FAM241B: variants seen among roughly 807,000 people sequenced by gnomAD.
FAM241B encodes protein FAM241B.
A neutral mutation model predicts 9.3 loss-of-function variants in FAM241B; 7 were observed. That is an observed-to-expected ratio of 0.75 (90% CI 0.43 to 1.41). The LOEUF is 1.41. FAM241B is among the 40% of genes most tolerant of loss of function. The pLI is 0.01. For synonymous variants in FAM241B, 60 were observed against 64.1 expected, an observed-to-expected ratio of 0.94 and a Z score of 0.31; for missense variants, 136 against 159.6, an observed-to-expected ratio of 0.85 and a Z score of 0.80.
At chr10:69,631,963 C>CTGGGTAAGAAT in intron 3 of FAM241B, 124 bp downstream of exon 3, 3 of 1,352,450 alleles carry the variant, frequency 2.2e-6, no homozygotes, top group Non-Finnish European at 2.0e-6. Flanking sequence ...TTGCAGAGAG[C>CTGGGTAAGAAT]TGGGGAAGAT....
chr10:69,633,161 T>C lies in FAM241B; in HGVS notation c.*102T>C. The stretch of plus-strand genomic sequence containing the variant: ...GGGATCTGGTGGTGCCTTGAAGGTA[T>C]GATCAGAGAGGGGACCACAGGTGTG... On this transcript the variant is annotated 3_prime_UTR_variant, in exon 4 of 4. Transcript: ENST00000373279. 1 of 1,494,498 alleles carries C rather than the reference T, an allele frequency of 6.7e-7. No individual in the cohort carries two copies. 92.6% of individuals were successfully genotyped at this position (1,494,498 alleles called of 1,614,324 possible).
At position 69,633,549 on chromosome 10, in the gene FAM241B, G is replaced by A. The variant is rs553970322; in HGVS notation, c.*490G>A. Reference sequence around the variant, plus strand: ...TTTATTGTTTAGGACAAGTGGTAGTGGCATTCTATTTATTGTGACCTTTTC... The same window carrying A: ...TTTATTGTTTAGGACAAGTGGTAGTAGCATTCTATTTATTGTGACCTTTTC... On this transcript the variant is annotated 3_prime_UTR_variant, in exon 4 of 4. Coordinates refer to ENST00000373279, the MANE Select transcript of FAM241B (RefSeq NM_145306.3). The A allele has an allele frequency of 6.2e-6, 1 of 160,578 alleles. No homozygotes were observed. Among genetic ancestry groups the A allele is most frequent in the African/African-American group, 2.4e-5 (1 of 41,598 alleles). 9.9% of individuals were successfully genotyped at this position (160,578 alleles called of 1,614,324 possible).
chr10:69,632,792 C>T lies in FAM241B; in HGVS notation c.99C>T (p.Ser33=), dbSNP rs1839852140. Residue 33 remains serine (S), a splice_region_variant and synonymous_variant, in exon 4 of 4, where the codon AGC becomes AGT. Transcript: ENST00000373279. Reference sequence around the variant, plus strand: ...CTCTCTCTGTCTTCACATTCCAGAGCTTCTTCAACAGGGGCCATGGTGCTC... The same window carrying T: ...CTCTCTCTGTCTTCACATTCCAGAGTTTCTTCAACAGGGGCCATGGTGCTC... The part of the protein sequence containing the change: ...QPPRGSIPRQ[S]FFNRGHGAPP... 6.2e-7 allele frequency: 1 copy of T among 1,612,582 alleles called. No homozygotes were observed. The highest frequency in any genetic ancestry group is 8.5e-7 in the Non-Finnish European group (1 of 1,179,514).
rs540315050 is a variant in FAM241B, at chr10:69,631,434, G to T, written c.-103-46G>T. On this transcript the variant is annotated intron_variant, in intron 1 of 3. Coordinates refer to ENST00000373279, the MANE Select transcript of FAM241B (RefSeq NM_145306.3). Reference sequence around the variant, plus strand: ...TGGACTCAATGTCTGAAATCTTTTTGCCTGGCAAACAACTTGCCTTTATTT... The same window carrying T: ...TGGACTCAATGTCTGAAATCTTTTTTCCTGGCAAACAACTTGCCTTTATTT... 7.7e-5 allele frequency: 107 copies of T among 1,397,184 alleles called. No individual in the cohort carries two copies. The East Asian group carries it at 3.3e-3, about 43-fold the overall frequency. 86.5% of individuals were successfully genotyped at this position (1,397,184 alleles called of 1,614,324 possible).
intron 1 of FAM241B, chr10:69,630,740 GTC>G: frequency 8.7e-7 from 1 of 1,154,548 alleles, no homozygotes; most frequent in Non-Finnish European, 1.1e-6. Context: ...GGGCCCCGCA[GTC>G]CAGGGGTCCG....
In FAM241B at chr10:69,631,736, C is replaced by T; in HGVS notation, c.-8C>T. 1 of 1,612,226 alleles carries T rather than the reference C, an allele frequency of 6.2e-7. No individual in the cohort carries two copies. Among genetic ancestry groups the T allele is most frequent in the Non-Finnish European group, 8.5e-7 (1 of 1,179,488 alleles). On this transcript the variant is annotated 5_prime_UTR_variant, in exon 3 of 4. Coordinates refer to ENST00000373279, the MANE Select transcript of FAM241B (RefSeq NM_145306.3). ...GCAGCCCATCAGGGACCCACAGCGCCTGGGAGGATGGTGCGGATCTTGGCC... is the reference window on the plus strand; with the variant it reads ...GCAGCCCATCAGGGACCCACAGCGCTTGGGAGGATGGTGCGGATCTTGGCC...
In FAM241B at chr10:69,632,925, C is replaced by G. The variant is rs1291129469; in HGVS notation, c.232C>G (p.Gln78Glu). The G allele has an allele frequency of 6.2e-7, 1 of 1,614,104 alleles. No individual in the cohort carries two copies. Among genetic ancestry groups the G allele is most frequent in the Non-Finnish European group, 8.5e-7 (1 of 1,180,058 alleles). Residue 78 changes from glutamine to glutamate, a missense_variant, in exon 4 of 4, where the codon CAG (glutamine) becomes GAG (glutamate). Coordinates refer to ENST00000373279, the MANE Select transcript of FAM241B (RefSeq NM_145306.3). Reference protein sequence around the residue: ...NRQLVNMGFPQWHLGNHAVEP... With the variant: ...NRQLVNMGFPEWHLGNHAVEP... Reference sequence around the variant, plus strand: ...GCAGCTGGTGAACATGGGCTTTCCGCAGTGGCATCTTGGCAACCATGCTGT... The same window carrying G: ...GCAGCTGGTGAACATGGGCTTTCCGGAGTGGCATCTTGGCAACCATGCTGT...
chr10:69,631,711 G>A lies in FAM241B; in HGVS notation c.-33G>A, dbSNP rs1186253180. 1.2e-6 allele frequency: 2 copies of A among 1,605,590 alleles called. No homozygotes were observed. The highest frequency in any genetic ancestry group is 1.3e-5 in the African/African-American group (1 of 75,014). On this transcript the variant is annotated splice_region_variant and 5_prime_UTR_variant, in exon 3 of 4. Transcript: ENST00000373279. ...CCCACCCTGACCACACAATGCAGGT[G>A]CAGCCCATCAGGGACCCACAGCGCC...
At chr10:69,631,085 G>C (rs1216849834) in intron 1 of FAM241B, among the ~76,000 whole-genome samples, 1 of 152,226 alleles carries the variant, frequency 6.6e-6, no homozygotes, top group Non-Finnish European at 1.5e-5. Context: ...CCCCACTGGG[G>C]ATGCTGGTGC....
At position 69,632,913 on chromosome 10, in the gene FAM241B, A is replaced by C; in HGVS notation, c.220A>C (p.Met74Leu). 1 of 1,614,168 alleles carries C rather than the reference A, an allele frequency of 6.2e-7. No homozygotes were observed. Among genetic ancestry groups the C allele is most frequent in the Non-Finnish European group, 8.5e-7 (1 of 1,180,028 alleles). Residue 74 changes from methionine (M) to leucine (L), a missense_variant, in exon 4 of 4, where the codon ATG becomes CTG. By Grantham distance (15) the Met-to-Leu change is conservative. Coordinates refer to ENST00000373279, the MANE Select transcript of FAM241B (RefSeq NM_145306.3). ...FNDLNRQLVNMGFPQWHLGNH... is the reference protein window; with the variant it reads ...FNDLNRQLVNLGFPQWHLGNH... ...TGACCTCAACCGGCAGCTGGTGAACATGGGCTTTCCGCAGTGGCATCTTGG... is the reference window on the plus strand; with the variant it reads ...TGACCTCAACCGGCAGCTGGTGAACCTGGGCTTTCCGCAGTGGCATCTTGG...
chr10:69,633,419 C>CG lies in FAM241B; in HGVS notation c.*361dup, dbSNP rs1175494558. On this transcript the variant is annotated 3_prime_UTR_variant, in exon 4 of 4. Coordinates refer to ENST00000373279, the MANE Select transcript of FAM241B (RefSeq NM_145306.3). ...CCGATGCCTGTGGAAGACATGCCGA[C>CG]GTCTCCTCTGCCTAGGGAGCAGGAC... is the stretch of plus-strand genomic sequence containing the variant. The CG allele has an allele frequency of 3.5e-6, 1 of 287,972 alleles. No homozygotes were observed. Among genetic ancestry groups the CG allele is most frequent in the Non-Finnish European group, 6.5e-6 (1 of 152,740 alleles). The allele number at this position is 287,972 out of a possible 1,614,324, so 17.8% of individuals were successfully genotyped here.
intron 1 of FAM241B, chr10:69,630,689 G>A: frequency 7.7e-7 from 1 of 1,293,744 alleles, no homozygotes; most frequent in Non-Finnish European, 1.0e-6. Flanking sequence ...CATCTCCTGA[G>A]AATGAATGGC....
At chr10:69,631,408 G>T in intron 1 of FAM241B, 72 bp from the exon 2 acceptor site, 1 of 1,243,616 alleles carries the variant, frequency 8.0e-7, no homozygotes, top group Non-Finnish European at 1.1e-6. Context: ...AGTTTTCCTG[G>T]TGGACTCAAT....
At chr10:69,631,063 AG>A (rs2133255722) in intron 1 of FAM241B, among the ~76,000 whole-genome samples, 1 of 152,272 alleles carries the variant, frequency 6.6e-6, no homozygotes, top group African/African-American at 2.4e-5. Context: ...TTTTAGTGGA[AG>A]GGAATTGGAA....
chr10:69,631,751 G>A lies in FAM241B; in HGVS notation c.8G>A (p.Arg3Gln), dbSNP rs147264354. The change falls in exon 3 of 4, where the codon CGG becomes CAG. Residue 3 changes from arginine (R) to glutamine (Q), a missense_variant. Transcript: ENST00000373279. ...CCCACAGCGCCTGGGAGGATGGTGCGGATCTTGGCCAATGGGGAAATCGTG... is the reference window on the plus strand; with the variant it reads ...CCCACAGCGCCTGGGAGGATGGTGCAGATCTTGGCCAATGGGGAAATCGTG... MV[R>Q]ILANGEIVQD... is the part of the protein sequence containing the mutation. 73 of 1,612,960 alleles carry A rather than the reference G, an allele frequency of 4.5e-5. No individual in the cohort carries two copies. The East Asian group carries it at 8.0e-4, about 18-fold the overall frequency.
chr10:69,630,707 C>T, intron 1 of FAM241B: 3 of 1,279,402 alleles, frequency 2.3e-6, no homozygotes, highest in Non-Finnish European at 3.1e-6. Flanking sequence ...GGCCTTTACC[C>T]AGACTCAAGG....
chr10:69,632,899 G>T lies in FAM241B; in HGVS notation c.206G>T (p.Arg69Leu). Residue 69 changes from arginine (R) to leucine (L), a missense_variant, in exon 4 of 4, where the codon CGG (arginine) becomes CTG (leucine). Arg to Leu is a moderately radical substitution (Grantham distance 102, BLOSUM62 -2). Transcript: ENST00000373279. ...AAQSPFNDLNRQLVNMGFPQW... is the reference protein window; with the variant it reads ...AAQSPFNDLNLQLVNMGFPQW... Reference sequence around the variant, plus strand: ...CAGTCCCCCTTCAATGACCTCAACCGGCAGCTGGTGAACATGGGCTTTCCG... The same window carrying T: ...CAGTCCCCCTTCAATGACCTCAACCTGCAGCTGGTGAACATGGGCTTTCCG... The T allele has an allele frequency of 6.2e-7, 1 of 1,614,182 alleles. No homozygotes were observed. Among genetic ancestry groups the T allele is most frequent in the Non-Finnish European group, 8.5e-7 (1 of 1,180,030 alleles).
At position 69,630,249 on chromosome 10, in the gene FAM241B, G is replaced by GT. The variant is rs1839792377; in HGVS notation, c.-167dup. ...CGGCGCGCGCTTCCTGTGAGGTCAG[G>GT]TGGGAGGAAACCGCCTGGAGCCGCC... On this transcript the variant is annotated 5_prime_UTR_variant, in exon 1 of 4. Transcript: ENST00000373279. 6.6e-6 allele frequency: 1 copy of GT among 152,632 alleles called. No homozygotes were observed. The highest frequency in any genetic ancestry group is 2.1e-4 in the South Asian group (1 of 4,858). The allele number at this position is 152,632 out of a possible 1,614,324, so 9.5% of individuals were successfully genotyped here. A position where few individuals can be genotyped will look rare whatever the true frequency, so the allele number is the denominator to read the frequency against.
At chr10:69,630,566 AG>A (rs1189855339) in intron 1 of FAM241B, 17 of 1,147,242 alleles carry the variant, frequency 1.5e-5, no homozygotes, top group South Asian at 4.5e-5. Context: ...GGGCTTCAGG[AG>A]GGGGACGCGC....
Sources: allele counts gnomAD v4.1 joint callset (sites outside exome capture counted in the v4.1 genomes callset), GRCh38; gene constraint gnomAD v4.1.1; transcripts MANE v1.5; gene names NCBI Gene and HGNC (gene_info 2026-07-23, HGNC 2026-07-21).